MBNL3: variants seen among roughly 807,000 people sequenced by gnomAD.
MBNL3 encodes muscleblind like splicing regulator 3.
A neutral mutation model predicts 24.5 loss-of-function variants in MBNL3; 6 were observed. The ratio of observed to expected loss-of-function variants is 0.25; its 90% CI spans 0.13 to 0.48. MBNL3 has a LOEUF of 0.48. MBNL3 is among the 20% of genes least tolerant of loss of function. The pLI, the probability that MBNL3 is intolerant of heterozygous loss-of-function variation, is 0.99. For missense variants in MBNL3, 230 were observed against 293.5 expected, an observed-to-expected ratio of 0.78 and a Z score of 1.58; for synonymous variants, 100 against 101.7, an observed-to-expected ratio of 0.98 and a Z score of 0.10.
intron 5 of MBNL3, among the ~76,000 whole-genome samples, chrX:132,390,374 G>A (rs1937001502): frequency 9.4e-6 from 1 of 106,851 alleles, no homozygotes; most frequent in African/African-American, 3.4e-5. Flanking sequence ...TATGCCTCTA[G>A]AGAGGAAAAG....
At chrX:132,470,157 T>G (rs140159295) in intron 1 of MBNL3, among the ~76,000 whole-genome samples, 24 of 111,752 alleles carry the variant, frequency 2.1e-4, no homozygotes, top group African/African-American at 7.5e-4. Flanking sequence ...TGTGACTAAA[T>G]CAGTACAATT....
intron 5 of MBNL3, among the ~76,000 whole-genome samples, chrX:132,390,265 CAAA>C (rs59093044): frequency 0.035 from 1,112 of 31,642 alleles, 20 homozygotes; most frequent in African/African-American, 0.092. Flanking sequence ...ACAACAACAA[CAAA>C]AAAAAAAAAA....
intron 3 of MBNL3, among the ~76,000 whole-genome samples, chrX:132,396,405 CATATATATTCCTAT>C (rs1420917938): frequency 1.9e-4 from 15 of 76,962 alleles, no homozygotes; most frequent in East Asian, 3.7e-4. Flanking sequence ...TATATATATT[CATATATATTCCTAT>C]ATATATATTC....
At chrX:132,437,790 G>C (rs141347442) in intron 2 of MBNL3, 26 of 181,987 alleles carry the variant, frequency 1.4e-4, no homozygotes, top group African/African-American at 7.4e-4. Context: ...CAAAATAATT[G>C]TAGATGAAAC....
intron 2 of MBNL3, among the ~76,000 whole-genome samples, chrX:132,421,861 A>AT: frequency 9.0e-6 from 1 of 111,231 alleles, no homozygotes; most frequent in East Asian, 2.8e-4. Context: ...CAGGCAAGTC[A>AT]TTTTTTCCTG....
At chrX:132,455,630 T>A (rs1360611491) in intron 1 of MBNL3, among the ~76,000 whole-genome samples, 3 of 111,912 alleles carry the variant, frequency 2.7e-5, no homozygotes, top group African/African-American at 9.7e-5. Context: ...TCATCTTATC[T>A]GATATCTTGG....
intron 7 of MBNL3, among the ~76,000 whole-genome samples, chrX:132,382,555 T>TACAATG (rs1485094561): frequency 4.5e-5 from 5 of 112,141 alleles, no homozygotes; most frequent in African/African-American, 1.6e-4. Flanking sequence ...AGAATCCCAT[T>TACAATG]GTAGTTTACT....
chrX:132,433,378 T>A (rs747224533), intron 2 of MBNL3, among the ~76,000 whole-genome samples: 1 of 111,751 alleles, frequency 8.9e-6, no homozygotes, highest in Non-Finnish European at 1.9e-5. Flanking sequence ...TCCCAGGGGA[T>A]AGTTAAGGTT....
intron 1 of MBNL3, among the ~76,000 whole-genome samples, chrX:132,484,703 G>A (rs1947910595): frequency 9.0e-6 from 1 of 111,403 alleles, no homozygotes; most frequent in East Asian, 2.8e-4. Context: ...TTTTCTCTAT[G>A]GGAGGCCCTT....
intron 7 of MBNL3, among the ~76,000 whole-genome samples, chrX:132,382,723 A>G (rs987127206): frequency 3.6e-5 from 4 of 112,333 alleles, no homozygotes; most frequent in African/African-American, 1.3e-4. Flanking sequence ...ATTTAGGTTC[A>G]CTGACTTATG....
At position 132,485,257 on chromosome X, in the gene MBNL3, C is replaced by T. The variant is rs779357201; in HGVS notation, c.-704+3594G>A. On this transcript the variant is annotated intron_variant, in intron 1 of 8. Coordinates refer to ENST00000370853, the MANE Select transcript of MBNL3 (RefSeq NM_001386889.1). Reference sequence around the variant, plus strand: ...TTTGAATTGACCACTAATTTGTACACTCATGTACGTGTGTGTTTGTGTGCC... The same window carrying T: ...TTTGAATTGACCACTAATTTGTACATTCATGTACGTGTGTGTTTGTGTGCC... Among the ~76,000 whole-genome samples the T allele has an allele frequency of 2.7e-5, 3 of 111,615 alleles. No individual in the cohort carries two copies. The Admixed American group carries it at 2.9e-4, about 11-fold the overall frequency.
At chrX:132,394,180 G>C (rs1334242591) in intron 3 of MBNL3, among the ~76,000 whole-genome samples, 1 of 111,670 alleles carries the variant, frequency 9.0e-6, no homozygotes, top group Non-Finnish European at 1.9e-5. Flanking sequence ...TGATGGTGTA[G>C]TCAGGAGAAG....
intron 7 of MBNL3, among the ~76,000 whole-genome samples, chrX:132,384,108 A>G (rs1935547839): frequency 8.9e-6 from 1 of 112,076 alleles, no homozygotes; most frequent in Non-Finnish European, 1.9e-5. Context: ...AGTCATTTTG[A>G]AATGATTCTG....
intron 1 of MBNL3, among the ~76,000 whole-genome samples, chrX:132,445,311 A>G (rs972207686): frequency 9.1e-6 from 1 of 110,351 alleles, no homozygotes; most frequent in Non-Finnish European, 1.9e-5. Context: ...TTCAAGTTCT[A>G]TTTCCCTCAC....
At chrX:132,401,062 G>A (rs1311881643) in intron 3 of MBNL3, among the ~76,000 whole-genome samples, 1 of 111,720 alleles carries the variant, frequency 9.0e-6, no homozygotes, top group Non-Finnish European at 1.9e-5. Flanking sequence ...TCATTAAAAT[G>A]TTATAATTTC....
intron 2 of MBNL3, among the ~76,000 whole-genome samples, chrX:132,426,345 G>A (rs767454181): frequency 2.9e-4 from 32 of 111,933 alleles, no homozygotes; most frequent in African/African-American, 1.0e-3. Context: ...ACTTAACCAT[G>A]TTGGCTTCAT....
At chrX:132,400,557 G>A (rs1044430924) in intron 3 of MBNL3, among the ~76,000 whole-genome samples, 2 of 111,542 alleles carry the variant, frequency 1.8e-5, no homozygotes, top group Admixed American at 9.5e-5. Context: ...TGAAACACAC[G>A]AATATATTTT....
At chrX:132,444,813 T>C (rs564173949) in intron 1 of MBNL3, among the ~76,000 whole-genome samples, 1 of 111,785 alleles carries the variant, frequency 8.9e-6, no homozygotes. Flanking sequence ...GCAGATTTTA[T>C]TATTTTTAAG....
chrX:132,446,838 G>A (rs1416235276), intron 1 of MBNL3, among the ~76,000 whole-genome samples: 1 of 111,891 alleles, frequency 8.9e-6, no homozygotes, highest in Admixed American at 9.4e-5. Flanking sequence ...CCATGCCTAT[G>A]TCCTGAATGG....
Sources: gnomAD v4.1 joint callset for allele counts (sites outside exome capture counted in the v4.1 genomes callset) on GRCh38, gnomAD v4.1.1 for gene constraint, MANE v1.5 for transcripts, NCBI Gene and HGNC (gene_info 2026-07-23, HGNC 2026-07-21) for gene names.